LRMDA: variants seen among roughly 807,000 people sequenced by gnomAD.
The protein encoded by LRMDA is leucine rich melanocyte differentiation associated, also known as leucine-rich melanocyte differentiation-associated protein.
Under a neutral mutation model 29.8 loss-of-function variants are expected in LRMDA, and 18 were observed. The ratio of observed to expected loss-of-function variants is 0.60; its 90% CI spans 0.42 to 0.90. The LOEUF is 0.90. Among genes scored for constraint, LRMDA ranks in the 40% least tolerant of loss-of-function variants. The pLI, the probability that LRMDA is intolerant of heterozygous loss-of-function variation, is 0.00. For missense variants in LRMDA, 273 were observed against 273.9 expected (o/e 1.00, Z 0.02); for synonymous variants, 125 against 109.4 (o/e 1.14, Z -0.89).
At chr10:75,696,797 G>A (rs1842240774) in intron 2 of LRMDA, among the ~76,000 whole-genome samples, 1 of 152,198 alleles carries the variant, frequency 6.6e-6, no homozygotes, top group African/African-American at 2.4e-5. Flanking sequence ...TGCCTCTCCT[G>A]TGTAATCTTG....
chr10:76,404,183 T>G (rs920676752), intron 6 of LRMDA, among the ~76,000 whole-genome samples: 2 of 152,168 alleles, frequency 1.3e-5, no homozygotes, highest in Non-Finnish European at 2.9e-5. Flanking sequence ...GATAATTCTA[T>G]TTTGAAATCA....
intron 6 of LRMDA, among the ~76,000 whole-genome samples, chr10:76,494,056 A>G (rs1218467502): frequency 1.3e-5 from 2 of 152,006 alleles, no homozygotes; most frequent in East Asian, 1.9e-4. Context: ...TTATAGTCCC[A>G]GAAGATTCTT....
chr10:75,455,615 G>T (rs1397395992), intron 2 of LRMDA, among the ~76,000 whole-genome samples: 1 of 152,174 alleles, frequency 6.6e-6, no homozygotes, highest in Non-Finnish European at 1.5e-5. Flanking sequence ...ATGGAGAGAG[G>T]GTTCCCAGCC....
chr10:75,677,177 C>G (rs1445182093), intron 2 of LRMDA, among the ~76,000 whole-genome samples: 1 of 152,136 alleles, frequency 6.6e-6, no homozygotes, highest in African/African-American at 2.4e-5. Context: ...TGATTTGTTG[C>G]AGAACATTTC....
At chr10:76,066,498 C>T (rs150756421) in intron 5 of LRMDA, among the ~76,000 whole-genome samples, 1 of 152,282 alleles carries the variant, frequency 6.6e-6, no homozygotes, top group East Asian at 1.9e-4. Context: ...AGCCCCAAAA[C>T]TCATGTTCTT....
intron 2 of LRMDA, among the ~76,000 whole-genome samples, chr10:75,930,582 G>A (rs777685405): frequency 6.6e-6 from 1 of 152,274 alleles, no homozygotes; most frequent in Non-Finnish European, 1.5e-5. Context: ...CTGTTAGACT[G>A]AAGGCTATTT....
At chr10:76,372,982 A>G (rs1841472942) in intron 6 of LRMDA, among the ~76,000 whole-genome samples, 1 of 152,216 alleles carries the variant, frequency 6.6e-6, no homozygotes, top group South Asian at 2.1e-4. Flanking sequence ...TTTGGGAAAT[A>G]TATGTAAGAT....
chr10:75,802,972 ATTTTT>A (rs141657133), intron 2 of LRMDA, among the ~76,000 whole-genome samples: 10 of 110,034 alleles, frequency 9.1e-5, no homozygotes, highest in East Asian at 2.7e-4. Context: ...ATATATATAT[ATTTTT>A]TTTTTTTTCT....
chr10:75,474,777 A>G (rs1844768786), intron 2 of LRMDA, among the ~76,000 whole-genome samples: 1 of 152,166 alleles, frequency 6.6e-6, no homozygotes, highest in South Asian at 2.1e-4. Context: ...AGTGGGTTGT[A>G]AGACGTGTGT....
intron 2 of LRMDA, among the ~76,000 whole-genome samples, chr10:75,605,282 G>T (rs1840941949): frequency 1.3e-5 from 2 of 152,154 alleles, no homozygotes; most frequent in Non-Finnish European, 2.9e-5. Flanking sequence ...ACGCTGGTTG[G>T]ATTTTTGATA....
chr10:76,418,152 TAAC>T (rs1469326794), intron 6 of LRMDA, among the ~76,000 whole-genome samples: 1 of 152,076 alleles, frequency 6.6e-6, no homozygotes, highest in East Asian at 1.9e-4. Flanking sequence ...GTCCTAATAA[TAAC>T]AACAACAATG....
intron 2 of LRMDA, among the ~76,000 whole-genome samples, chr10:75,873,746 A>G (rs10824346): frequency 0.37 from 56,808 of 151,648 alleles, 12,323 homozygotes; most frequent in South Asian, 0.52. Flanking sequence ...AAATGGCTTT[A>G]TGATCATTTT....
chr10:75,585,553 A>G (rs1186369708), intron 2 of LRMDA, among the ~76,000 whole-genome samples: 1 of 152,248 alleles, frequency 6.6e-6, no homozygotes, highest in Non-Finnish European at 1.5e-5. Flanking sequence ...GTTAGTAGAT[A>G]CCACTCAACA....
At chr10:76,094,546 G>A (rs1035891298) in intron 5 of LRMDA, among the ~76,000 whole-genome samples, 1 of 151,750 alleles carries the variant, frequency 6.6e-6, no homozygotes, top group African/African-American at 2.4e-5. Context: ...TTTTAATTTT[G>A]AAAATATATA....
chr10:76,491,879 ATCTTTTT>A (rs1229404600), intron 6 of LRMDA, among the ~76,000 whole-genome samples: 1 of 151,570 alleles, frequency 6.6e-6, no homozygotes, highest in Non-Finnish European at 1.5e-5. Flanking sequence ...TTCTTTGTTA[ATCTTTTT>A]TCTTTTATAT....
At chr10:75,915,713 G>C (rs1254759381) in intron 2 of LRMDA, among the ~76,000 whole-genome samples, 1 of 152,118 alleles carries the variant, frequency 6.6e-6, no homozygotes, top group Admixed American at 6.6e-5. Flanking sequence ...GATTCAGGGG[G>C]CAGTTACCAG....
At chr10:76,323,370 A>G (rs1044960557) in intron 5 of LRMDA, among the ~76,000 whole-genome samples, 10 of 152,216 alleles carry the variant, frequency 6.6e-5, no homozygotes, top group Non-Finnish European at 8.8e-5. Context: ...AAGGGCAAAT[A>G]TATCCCATAG....
intron 5 of LRMDA, among the ~76,000 whole-genome samples, chr10:76,183,237 G>A (rs905239045): frequency 2.0e-5 from 3 of 152,172 alleles, no homozygotes; most frequent in Non-Finnish European, 4.4e-5. Flanking sequence ...TATTGTTACA[G>A]CAGTTTGTTC....
chr10:75,960,770 C>T (rs558348714), intron 2 of LRMDA, among the ~76,000 whole-genome samples: 5 of 152,228 alleles, frequency 3.3e-5, no homozygotes, highest in East Asian at 3.9e-4. Flanking sequence ...TGTGCCACCA[C>T]GCCTGGCTAA....
Sources: gnomAD v4.1 joint callset for allele counts (sites outside exome capture counted in the v4.1 genomes callset) on GRCh38, gnomAD v4.1.1 for gene constraint, MANE v1.5 for transcripts, NCBI Gene and HGNC (gene_info 2026-07-23, HGNC 2026-07-21) for gene names.